The following CNTN4 variants were observed in gnomAD, a reference collection of about 807,000 sequenced individuals.
The protein encoded by CNTN4 is contactin-4.
CNTN4 carries 77 observed loss-of-function variants against 122.5 expected under a neutral mutation model. That is an observed-to-expected ratio of 0.63 (90% CI 0.52 to 0.76). The LOEUF (loss-of-function observed/expected upper bound fraction) is 0.76, where lower values mean the gene tolerates loss of function less well. CNTN4 is among the 30% of genes least tolerant of loss of function. The pLI is 0.00. For missense variants in CNTN4, 1,256 were observed against 1,259.1 expected (o/e 1.00, Z 0.04); for synonymous variants, 512 against 447.0 (o/e 1.15, Z -1.83).
chr3:2,570,744 C>T lies in CNTN4; in HGVS notation c.-88-672C>T, dbSNP rs1576036487. On this transcript the variant is annotated intron_variant, in intron 3 of 24. Coordinates refer to ENST00000418658, the MANE Select transcript of CNTN4 (RefSeq NM_175607.3). ...GTAAAGGTAATGAGTGGCCTCTCTT[C>T]ACTGCAGAATTCTCCTAATTCAGTA... 3.3e-5 allele frequency among the ~76,000 whole-genome samples: 5 copies of T among 152,250 alleles called. No individual in the cohort carries two copies. The South Asian group carries it at 1.0e-3, about 32-fold the overall frequency.
intron 2 of CNTN4, among the ~76,000 whole-genome samples, chr3:2,114,966 G>C (rs977174298): frequency 6.6e-6 from 1 of 152,136 alleles, no homozygotes; most frequent in Non-Finnish European, 1.5e-5. Flanking sequence ...TATTGTCATG[G>C]ACATTTATTG....
intron 3 of CNTN4, among the ~76,000 whole-genome samples, chr3:2,480,990 A>G (rs1472587327): frequency 7.0e-6 from 1 of 143,486 alleles, no homozygotes; most frequent in East Asian, 2.1e-4. Flanking sequence ...AAAATGAAGA[A>G]AAGATAGTTT....
chr3:2,386,301 G>T (rs2046255484), intron 3 of CNTN4, among the ~76,000 whole-genome samples: 1 of 151,326 alleles, frequency 6.6e-6, no homozygotes, highest in East Asian at 2.0e-4. Flanking sequence ...CTTGACCTTT[G>T]TGTGACAGTA....
At chr3:2,462,977 T>G (rs1446852220) in intron 3 of CNTN4, among the ~76,000 whole-genome samples, 1 of 152,184 alleles carries the variant, frequency 6.6e-6, no homozygotes, top group African/African-American at 2.4e-5. Flanking sequence ...TTCCAGCACA[T>G]CTCATTTTGG....
intron 4 of CNTN4, among the ~76,000 whole-genome samples, chr3:2,604,348 A>G (rs1284211799): frequency 1.3e-5 from 2 of 152,074 alleles, no homozygotes; most frequent in Admixed American, 6.6e-5. Context: ...ATGTTTTTTC[A>G]TTTATTCAAC....
rs1187324855 is a variant in CNTN4 at position 2,841,580 on chromosome 3, A to G, written c.454+21999A>G. Reference sequence around the variant, plus strand: ...TCCAACCCTCAAACTATATTTGGCCATTGGCTTCGGGATTTGGTTATTTCC... The same window carrying G: ...TCCAACCCTCAAACTATATTTGGCCGTTGGCTTCGGGATTTGGTTATTTCC... On this transcript the variant is annotated intron_variant, in intron 7 of 24. Coordinates refer to ENST00000418658, the MANE Select transcript of CNTN4 (RefSeq NM_175607.3). The surrounding 1 kb of genome is among the most constrained non-coding windows in gnomAD (Gnocchi z 4.8). Among the ~76,000 whole-genome samples, 1 of 152,168 alleles carries G rather than the reference A, an allele frequency of 6.6e-6. No individual in the cohort carries two copies. Among genetic ancestry groups the G allele is most frequent in the Non-Finnish European group, 1.5e-5 (1 of 68,014 alleles).
intron 2 of CNTN4, among the ~76,000 whole-genome samples, chr3:2,127,546 A>C (rs1186659195): frequency 6.6e-6 from 1 of 152,172 alleles, no homozygotes; most frequent in Non-Finnish European, 1.5e-5. Context: ...GTTTTAAAAA[A>C]AATCAAGAAT....
intron 3 of CNTN4, among the ~76,000 whole-genome samples, chr3:2,509,119 C>G (rs1433743914): frequency 6.6e-6 from 1 of 152,208 alleles, no homozygotes; most frequent in Non-Finnish European, 1.5e-5. Flanking sequence ...ACTATTTCGG[C>G]TGTACCACTG....
chr3:2,242,229 A>G (rs2039969369), intron 2 of CNTN4, among the ~76,000 whole-genome samples: 2 of 152,132 alleles, frequency 1.3e-5, no homozygotes, highest in South Asian at 4.1e-4. Context: ...TATATTTAAT[A>G]TTAATATAAA....
At chr3:2,712,114 G>C (rs1344832449) in intron 4 of CNTN4, among the ~76,000 whole-genome samples, 1 of 152,126 alleles carries the variant, frequency 6.6e-6, no homozygotes, top group East Asian at 1.9e-4. Flanking sequence ...AGGCTCTGTA[G>C]AAATATGGAA....
chr3:2,119,135 C>T (rs554512356), intron 2 of CNTN4, among the ~76,000 whole-genome samples: 2 of 152,202 alleles, frequency 1.3e-5, no homozygotes, highest in African/African-American at 4.8e-5. Flanking sequence ...AAAAACTGAT[C>T]TCCCAGGAGA....
At chr3:2,974,371 C>G (rs972501699) in intron 13 of CNTN4, among the ~76,000 whole-genome samples, 1 of 152,128 alleles carries the variant, frequency 6.6e-6, no homozygotes, top group African/African-American at 2.4e-5. Context: ...CAGAAATGAT[C>G]TTTGCAGCTA....
intron 14 of CNTN4, among the ~76,000 whole-genome samples, chr3:3,019,648 A>G (rs1187466207): frequency 6.6e-6 from 1 of 151,798 alleles, no homozygotes; most frequent in Non-Finnish European, 1.5e-5. Flanking sequence ...TGGAGAAGCC[A>G]GGCAAACACC....
chr3:2,136,563 T>C (rs144691234), intron 2 of CNTN4, among the ~76,000 whole-genome samples: 326 of 152,330 alleles, frequency 2.1e-3, no homozygotes, highest in African/African-American at 7.6e-3. Context: ...ATAGGCTATC[T>C]CTGGTAATGC....
At chr3:2,297,086 T>C (rs1168206736) in intron 2 of CNTN4, among the ~76,000 whole-genome samples, 1 of 152,206 alleles carries the variant, frequency 6.6e-6, no homozygotes, top group Admixed American at 6.5e-5. Context: ...AAGTCTATTG[T>C]CAAAATCTGA....
intron 7 of CNTN4, among the ~76,000 whole-genome samples, chr3:2,852,835 C>T (rs1427115623): frequency 6.6e-6 from 1 of 152,082 alleles, no homozygotes; most frequent in Non-Finnish European, 1.5e-5. Context: ...CCTAGATGTC[C>T]CATAAAGAGC....
chr3:2,619,778 A>G (rs1326807473), intron 4 of CNTN4, among the ~76,000 whole-genome samples: 1 of 152,222 alleles, frequency 6.6e-6, no homozygotes, highest in Non-Finnish European at 1.5e-5. Flanking sequence ...AGATCTGCTA[A>G]TAACGCAACA....
intron 3 of CNTN4, among the ~76,000 whole-genome samples, chr3:2,358,757 G>A (rs533086078): frequency 5.3e-5 from 8 of 152,144 alleles, no homozygotes; most frequent in African/African-American, 1.7e-4. Context: ...CAATTTATTG[G>A]TTATATATAA....
chr3:2,927,101 C>T (rs1418944096), intron 13 of CNTN4, among the ~76,000 whole-genome samples: 1 of 151,678 alleles, frequency 6.6e-6, no homozygotes, highest in African/African-American at 2.4e-5. Context: ...CAGAATAAGG[C>T]TACATTTTAA....
Sources: gnomAD v4.1 joint callset for allele counts (sites outside exome capture counted in the v4.1 genomes callset) on GRCh38, gnomAD v4.1.1 for gene constraint, Gnocchi (gnomAD v3.1) non-coding constraint, MANE v1.5 for transcripts, NCBI Gene and HGNC (gene_info 2026-07-23, HGNC 2026-07-21) for gene names.